Variants in COPS3 observed in about 807,000 individuals in gnomAD.
COPS3 encodes COP9 signalosome complex subunit 3.
Under a neutral mutation model 58.2 loss-of-function variants are expected in COPS3, and 10 were observed. That is an observed-to-expected ratio of 0.17 (90% CI 0.11 to 0.29). The LOEUF (loss-of-function observed/expected upper bound fraction) is 0.29. Among genes scored for constraint, COPS3 ranks in the 10% least tolerant of loss-of-function variants. COPS3 has a pLI of 1.00. For synonymous variants in COPS3, 187 were observed against 181.7 expected, an observed-to-expected ratio of 1.03 and a Z score of -0.24; for missense variants, 333 against 510.1, an observed-to-expected ratio of 0.65 and a Z score of 3.34.
At chr17:17,247,686 C>T (rs1313839499) in intron 10 of COPS3, 126 bp from the exon 11 acceptor site, 1 of 880,262 alleles carries the variant, frequency 1.1e-6, no homozygotes, top group Non-Finnish European at 1.8e-6. Context: ...CCTGGGGCCA[C>T]ATGGGTTTTG....
intron 2 of COPS3, among the ~76,000 whole-genome samples, chr17:17,274,810 C>T (rs755427432): frequency 2.0e-5 from 3 of 150,736 alleles, no homozygotes; most frequent in Non-Finnish European, 3.0e-5. Flanking sequence ...CTTAATAGTG[C>T]TAAGTTTACA....
At chr17:17,267,393 C>T (rs2048249763) in intron 5 of COPS3, among the ~76,000 whole-genome samples, 1 of 150,664 alleles carries the variant, frequency 6.6e-6, no homozygotes, top group Non-Finnish European at 1.5e-5. Flanking sequence ...GTAATCCTAG[C>T]ACTTTGGGAG....
chr17:17,265,024 A>C lies in COPS3; in HGVS notation c.442-43T>G, dbSNP rs765733016. 1.9e-6 allele frequency: 3 copies of C among 1,545,480 alleles called. No individual in the cohort carries two copies. The African/African-American group carries it at 4.1e-5, about 21-fold the overall frequency. ...TTAAATCATCACTTTAATTTTACTTAGGCAGGTATTAGCAGAAGGAGAAAA... is the reference window on the plus strand; with the variant it reads ...TTAAATCATCACTTTAATTTTACTTCGGCAGGTATTAGCAGAAGGAGAAAA... On this transcript the variant is annotated intron_variant, in intron 5 of 11. Transcript: ENST00000268717.
chr17:17,264,089 G>A (rs2048170018), intron 6 of COPS3, among the ~76,000 whole-genome samples: 1 of 152,198 alleles, frequency 6.6e-6, no homozygotes, highest in Non-Finnish European at 1.5e-5. Context: ...TTGTGGTATG[G>A]TTCAGAGCCA....
rs2048064399 is a variant in COPS3, at chr17:17,260,314, T to C, written c.923A>G (p.Gln308Arg). 4 of 1,613,978 alleles carry C rather than the reference T, an allele frequency of 2.5e-6. No individual in the cohort carries two copies. The highest frequency in any genetic ancestry group is 3.4e-6 in the Non-Finnish European group (4 of 1,179,882). Residue 308 changes from glutamine (Q) to arginine (R), a missense_variant, in exon 8 of 12, where the codon CAG (glutamine) becomes CGG (arginine). Physicochemically the swap from Gln to Arg is conservative, Grantham distance 43. Transcript: ENST00000268717. ...CLSSLYKKNI[Q>R]RLTKTFLTLS... ...CACTTTCCTCACCTTTGTTAGCCTC[T>C]GAATATTCTTCTTATAAAGAGATGA...
chr17:17,278,992 A>G (rs1276374281), intron 1 of COPS3, among the ~76,000 whole-genome samples: 1 of 150,870 alleles, frequency 6.6e-6, no homozygotes, highest in Non-Finnish European at 1.5e-5. Context: ...CTCCTGCCTC[A>G]GCCTCCCGAG....
chr17:17,253,407 A>G (rs888482410), intron 9 of COPS3, among the ~76,000 whole-genome samples: 4 of 152,210 alleles, frequency 2.6e-5, no homozygotes, highest in African/African-American at 9.6e-5. Context: ...GTGGGTTATC[A>G]TATAGTCATT....
chr17:17,279,354 C>T (rs1049945980), intron 1 of COPS3, among the ~76,000 whole-genome samples: 4 of 152,092 alleles, frequency 2.6e-5, no homozygotes, highest in African/African-American at 9.7e-5. Context: ...AAGTGGTTCA[C>T]CCAAGAAGTG....
intron 9 of COPS3, among the ~76,000 whole-genome samples, chr17:17,249,872 C>G (rs1452334325): frequency 6.6e-6 from 1 of 152,116 alleles, no homozygotes; most frequent in East Asian, 1.9e-4. Context: ...AAGTGATCTA[C>G]CTGCCTCGGC....
intron 8 of COPS3, among the ~76,000 whole-genome samples, chr17:17,256,399 A>G (rs1245288709): frequency 6.6e-6 from 1 of 152,164 alleles, no homozygotes; most frequent in Non-Finnish European, 1.5e-5. Context: ...CAAAGTTAAC[A>G]TTTTTAAACA....
chr17:17,258,711 G>C (rs1474934630), intron 8 of COPS3, among the ~76,000 whole-genome samples: 1 of 152,110 alleles, frequency 6.6e-6, no homozygotes, highest in African/African-American at 2.4e-5. Context: ...TTTATGGAGA[G>C]AATTAGGCTG....
chr17:17,275,884 G>A, intron 2 of COPS3, 151 bp downstream of exon 2: 1 of 612,278 alleles, frequency 1.6e-6, no homozygotes, highest in East Asian at 3.5e-5. Flanking sequence ...GGAGCTTGCA[G>A]TGTGCCAAGA....
At chr17:17,271,068 C>A (rs772449345) in intron 2 of COPS3, 60 bp from the exon 3 acceptor site, 13 of 1,151,076 alleles carry the variant, frequency 1.1e-5, no homozygotes, top group Non-Finnish European at 1.7e-5. Flanking sequence ...AATACAGAAA[C>A]AATGTATGCA....
chr17:17,270,716 A>G, intron 4 of COPS3, 42 bp downstream of exon 4: 1 of 1,490,478 alleles, frequency 6.7e-7, no homozygotes, highest in Non-Finnish European at 9.2e-7. Context: ...AGCTAGTTAC[A>G]TATTATAACA....
In COPS3 at chr17:17,276,179, C is replaced by A. The variant is rs374572008; in HGVS notation, c.56-15G>T. 7 of 1,613,190 alleles carry A rather than the reference C, an allele frequency of 4.3e-6. No homozygotes were observed. The highest frequency in any genetic ancestry group is 1.1e-5 in the South Asian group (1 of 91,066). On this transcript the variant is annotated splice_polypyrimidine_tract_variant and intron_variant, in intron 1 of 11. Transcript: ENST00000268717. ...TGTCATTTGCCCTGGAAAACAGGAA[C>A]AACACTATTGCATTTCAGCTACAGC... is the stretch of plus-strand genomic sequence containing the variant.
At chr17:17,272,821 G>A (rs1202357771) in intron 2 of COPS3, among the ~76,000 whole-genome samples, 1 of 152,172 alleles carries the variant, frequency 6.6e-6, no homozygotes. Context: ...AGGATTGCTT[G>A]AGCCCAGAAG....
At chr17:17,280,883 CGGG>C (rs1168003926) in intron 1 of COPS3, 28 of 1,030,992 alleles carry the variant, frequency 2.7e-5, no homozygotes, top group Non-Finnish European at 3.4e-5. Flanking sequence ...GGGCCCAGGC[CGGG>C]GGGAGGGGGC....
intron 4 of COPS3, among the ~76,000 whole-genome samples, chr17:17,269,087 G>A (rs1013234174): frequency 1.1e-4 from 17 of 152,192 alleles, no homozygotes; most frequent in Admixed American, 2.0e-4. Flanking sequence ...CCCTTTGGGA[G>A]GCTGAAGCAG....
rs1313226325 is a variant in COPS3, at chr17:17,260,426, T to G, written c.811A>C (p.Asn271His). 1 of 1,614,168 alleles carries G rather than the reference T, an allele frequency of 6.2e-7. No homozygotes were observed. Among genetic ancestry groups the G allele is most frequent in the Non-Finnish European group, 8.5e-7 (1 of 1,180,022 alleles). ...ACCAGGTTTCGGAGTTCTGAGGGGT[T>G]GTTGGTTGAATACACTTGTGCTAAC... Reference protein sequence around the residue: ...HELAQVYSTNNPSELRNLVNK... With the variant: ...HELAQVYSTNHPSELRNLVNK... Residue 271 changes from asparagine to histidine, a missense_variant, in exon 8 of 12, where the codon AAC (asparagine) becomes CAC (histidine). Coordinates refer to ENST00000268717, the MANE Select transcript of COPS3 (RefSeq NM_003653.4).
Sources: gnomAD v4.1 joint callset for allele counts (sites outside exome capture counted in the v4.1 genomes callset) on GRCh38, gnomAD v4.1.1 for gene constraint, MANE v1.5 for transcripts, NCBI Gene and HGNC (gene_info 2026-07-23, HGNC 2026-07-21) for gene names.